The following AGBL4 variants were observed in gnomAD, a reference collection of about 807,000 sequenced individuals.
The protein encoded by AGBL4 is cytosolic carboxypeptidase 6.
A neutral mutation model predicts 66.4 loss-of-function variants in AGBL4; 58 were observed. The ratio of observed to expected loss-of-function variants is 0.87; its 90% CI spans 0.71 to 1.09. The LOEUF is 1.09. AGBL4 is among the 50% of genes least tolerant of loss of function. The probability of loss-of-function intolerance (pLI) is 0.00; values close to 1 mark genes in which losing one functional copy is unlikely to be tolerated. For synonymous variants in AGBL4, 234 were observed against 222.9 expected, an observed-to-expected ratio of 1.05 and a Z score of -0.44; for missense variants, 579 against 631.0, an observed-to-expected ratio of 0.92 and a Z score of 0.88.
intron 3 of AGBL4, among the ~76,000 whole-genome samples, chr1:49,322,513 G>A (rs910184526): frequency 2.0e-5 from 3 of 152,174 alleles, no homozygotes; most frequent in African/African-American, 7.2e-5. Context: ...CTTTATAGTT[G>A]TAATTAAGGA....
At chr1:48,761,203 T>G in intron 6 of AGBL4, 1 of 1,013,334 alleles carries the variant, frequency 9.9e-7, no homozygotes, top group Non-Finnish European at 1.4e-6. Context: ...ACGCTTTCAC[T>G]ACCCTGAAAA....
intron 5 of AGBL4, among the ~76,000 whole-genome samples, chr1:48,981,130 G>C (rs571598396): frequency 6.6e-6 from 1 of 152,202 alleles, no homozygotes; most frequent in South Asian, 2.1e-4. Flanking sequence ...ATTTCCTTCA[G>C]TCATAGACAT....
intron 4 of AGBL4, among the ~76,000 whole-genome samples, chr1:49,180,679 C>T (rs1646915279): frequency 6.6e-6 from 1 of 152,150 alleles, no homozygotes; most frequent in Non-Finnish European, 1.5e-5. Context: ...CAAGTAAAAG[C>T]ATAGGAGCTT....
intron 3 of AGBL4, among the ~76,000 whole-genome samples, chr1:49,340,973 G>T (rs547539389): frequency 3.9e-5 from 6 of 152,302 alleles, no homozygotes; most frequent in Admixed American, 3.9e-4. Flanking sequence ...ACAATCCTTT[G>T]TCACAAGCCC....
Position 49,497,669 on chromosome 1 carries a change from C to T in AGBL4, c.282+199644G>A, listed in dbSNP as rs1397377665. On this transcript the variant is annotated intron_variant, in intron 3 of 13. Coordinates refer to ENST00000371839, the MANE Select transcript of AGBL4 (RefSeq NM_032785.4). ...CTTTACTCACTGTGTGTTTTGGGCA[C>T]GTTCGTTGAAAATAAATTGACCATA... Among the ~76,000 whole-genome samples, 8 of 151,972 alleles carry T rather than the reference C, an allele frequency of 5.3e-5. No homozygotes were observed. The South Asian group carries it at 1.2e-3, about 24-fold the overall frequency.
chr1:48,846,795 G>A (rs1646927111), intron 6 of AGBL4, among the ~76,000 whole-genome samples: 2 of 152,124 alleles, frequency 1.3e-5, no homozygotes, highest in South Asian at 4.1e-4. Context: ...TATGAGATAA[G>A]TGATTGGCAG....
At chr1:49,589,394 C>T (rs1644710904) in intron 3 of AGBL4, among the ~76,000 whole-genome samples, 1 of 151,948 alleles carries the variant, frequency 6.6e-6, no homozygotes, top group African/African-American at 2.4e-5. Context: ...AATGTTAATT[C>T]CCTTTTTCAC....
chr1:49,713,835 G>T lies in AGBL4; in HGVS notation c.158-16398C>A, dbSNP rs374842588. On this transcript the variant is annotated intron_variant, in intron 2 of 13. Coordinates refer to ENST00000371839, the MANE Select transcript of AGBL4 (RefSeq NM_032785.4). ...TTAAGAGATAGGGTATTTGTATATTGCTCAGGCTAGACACAAACTCCTGAG... is the reference window on the plus strand; with the variant it reads ...TTAAGAGATAGGGTATTTGTATATTTCTCAGGCTAGACACAAACTCCTGAG... Among the ~76,000 whole-genome samples, 5 of 151,768 alleles carry T rather than the reference G, an allele frequency of 3.3e-5. No individual in the cohort carries two copies. The East Asian group carries it at 7.7e-4, about 24-fold the overall frequency.
chr1:49,813,067 G>C (rs980449471), intron 2 of AGBL4, among the ~76,000 whole-genome samples: 1 of 152,100 alleles, frequency 6.6e-6, no homozygotes, highest in African/African-American at 2.4e-5. Flanking sequence ...CAGAATCCTA[G>C]AATGTTCCGG....
chr1:49,601,015 G>C (rs949390417), intron 3 of AGBL4, among the ~76,000 whole-genome samples: 1 of 152,088 alleles, frequency 6.6e-6, no homozygotes, highest in African/African-American at 2.4e-5. Context: ...GTCTGATGGG[G>C]TTCCTTTTTA....
At chr1:49,488,364 A>C (rs1378304845) in intron 3 of AGBL4, among the ~76,000 whole-genome samples, 1 of 151,256 alleles carries the variant, frequency 6.6e-6, no homozygotes, top group African/African-American at 2.4e-5. Flanking sequence ...TCATTCTAAT[A>C]GTTATTCTGT....
chr1:48,982,784 T>C (rs1175037529), intron 5 of AGBL4, among the ~76,000 whole-genome samples: 1 of 152,168 alleles, frequency 6.6e-6, no homozygotes, highest in Admixed American at 6.5e-5. Flanking sequence ...CACACTGACT[T>C]CCCCAATGGT....
intron 3 of AGBL4, among the ~76,000 whole-genome samples, chr1:49,640,321 T>C (rs920998755): frequency 2.6e-5 from 4 of 152,110 alleles, no homozygotes; most frequent in Admixed American, 6.6e-5. Flanking sequence ...AATAAACATG[T>C]TTTGAGAAGA....
chr1:49,995,261 T>C, intron 1 of AGBL4: 1 of 455,436 alleles, frequency 2.2e-6, no homozygotes, highest in Non-Finnish European at 4.4e-6. Flanking sequence ...GAGACAAGTT[T>C]TCAGCCCTGC....
chr1:49,186,193 C>A (rs974555882), intron 4 of AGBL4, among the ~76,000 whole-genome samples: 1 of 152,170 alleles, frequency 6.6e-6, no homozygotes, highest in Non-Finnish European at 1.5e-5. Context: ...CCTATGCATA[C>A]ATATTTCTTC....
At chr1:49,716,114 A>C (rs899304489) in intron 2 of AGBL4, among the ~76,000 whole-genome samples, 2 of 151,752 alleles carry the variant, frequency 1.3e-5, no homozygotes, top group Non-Finnish European at 2.9e-5. Context: ...AATCCATCTT[A>C]AGTTAATTTT....
Position 49,724,766 on chromosome 1 carries a change from GAT to G in AGBL4, c.158-27331_158-27330del, listed in dbSNP as rs375687856. On this transcript the variant is annotated intron_variant, in intron 2 of 13. Transcript: ENST00000371839. ...TTCTTATAAGAAGAGACACCAGAAA[GAT>G]ATATATATATATCTGTCCCCCAAGG... Among the ~76,000 whole-genome samples the G allele has an allele frequency of 1.7e-3, 263 of 151,314 alleles. 1 individual carries two copies. The highest frequency in any genetic ancestry group is 2.8e-3 in the Non-Finnish European group (189 of 67,740).
intron 6 of AGBL4, among the ~76,000 whole-genome samples, chr1:48,714,780 AG>A: frequency 6.6e-6 from 1 of 152,308 alleles, no homozygotes. Flanking sequence ...CCACCTGTGC[AG>A]GTCCTCCAGC....
chr1:49,207,322 G>A (rs1456912405), intron 4 of AGBL4, among the ~76,000 whole-genome samples: 1 of 151,904 alleles, frequency 6.6e-6, no homozygotes, highest in Non-Finnish European at 1.5e-5. Context: ...CTCCTTTGAG[G>A]GAGGATCAAA....
Sources: gnomAD v4.1 joint callset for allele counts (sites outside exome capture counted in the v4.1 genomes callset) on GRCh38, gnomAD v4.1.1 for gene constraint, MANE v1.5 for transcripts, NCBI Gene and HGNC (gene_info 2026-07-23, HGNC 2026-07-21) for gene names.